PRDM1: variants seen among roughly 807,000 people sequenced by gnomAD.
PRDM1 encodes the protein PR domain zinc finger protein 1.
Under a neutral mutation model 62.8 loss-of-function variants are expected in PRDM1, and 13 were observed. The observed-to-expected ratio is 0.21, with a 90% CI of 0.13 to 0.33. PRDM1 has a LOEUF of 0.33. Among genes scored for constraint, PRDM1 ranks in the 10% least tolerant of loss-of-function variants. The probability of loss-of-function intolerance (pLI) is 1.00; values close to 1 mark genes in which losing one functional copy is unlikely to be tolerated. For synonymous variants in PRDM1, 396 were observed against 417.6 expected (o/e 0.95, Z 0.63); for missense variants, 895 against 1,058.8 (o/e 0.85, Z 2.15).
intron 1 of PRDM1, among the ~76,000 whole-genome samples, chr6:106,001,318 T>C (rs1243386967): frequency 6.6e-6 from 1 of 152,330 alleles, no homozygotes; most frequent in South Asian, 2.1e-4. Context: ...TTCCTAAATC[T>C]TTGGTTTAGC....
chr6:106,036,295 T>G (rs1479938388), intron 1 of PRDM1, among the ~76,000 whole-genome samples: 1 of 152,092 alleles, frequency 6.6e-6, no homozygotes. Context: ...ATTACAGATG[T>G]GCACCACCAT....
upstream of PRDM1, among the ~76,000 whole-genome samples, chr6:106,086,037 T>C (rs1003671370): frequency 3.9e-5 from 6 of 152,148 alleles, no homozygotes; most frequent in Non-Finnish European, 5.9e-5. Context: ...GTTTCCTTAA[T>C]TTAAGGAACG....
intron 1 of PRDM1, among the ~76,000 whole-genome samples, chr6:106,073,156 C>T (rs2114602860): frequency 6.6e-6 from 1 of 150,720 alleles, no homozygotes; most frequent in Middle Eastern, 3.4e-3. Flanking sequence ...ACTCTGTCGC[C>T]CAGGCTGGAG....
At chr6:106,075,713 G>C (rs1562160408) in intron 1 of PRDM1, among the ~76,000 whole-genome samples, 2 of 152,104 alleles carry the variant, frequency 1.3e-5, no homozygotes, top group African/African-American at 2.4e-5. Context: ...GTTGCAGCAA[G>C]CTTCTTTTTC....
intron 1 of PRDM1, among the ~76,000 whole-genome samples, chr6:106,015,126 T>C (rs1252307578): frequency 6.6e-6 from 1 of 152,168 alleles, no homozygotes; most frequent in African/African-American, 2.4e-5. Flanking sequence ...GTTGCGTTTC[T>C]TCCTTTCTTT....
intron 1 of PRDM1, among the ~76,000 whole-genome samples, chr6:106,063,038 G>GTCCTT (rs1773371781): frequency 6.6e-6 from 1 of 152,174 alleles, no homozygotes. Context: ...CGCAGATTTA[G>GTCCTT]TCCTTTCGTT....
chr6:106,022,402 A>G (rs1772705809), intron 1 of PRDM1, among the ~76,000 whole-genome samples: 1 of 149,648 alleles, frequency 6.7e-6, no homozygotes, highest in African/African-American at 2.5e-5. Context: ...GACAACAGGC[A>G]TGCACCACCA....
intron 1 of PRDM1, 86 bp downstream of exon 1, chr6:106,086,681 T>G: frequency 7.7e-7 from 1 of 1,295,210 alleles, no homozygotes; most frequent in Non-Finnish European, 1.1e-6. Flanking sequence ...TATTATTAAT[T>G]TTTTTTGGCT....
At chr6:106,060,771 G>A (rs1773333139) in intron 1 of PRDM1, among the ~76,000 whole-genome samples, 1 of 152,054 alleles carries the variant, frequency 6.6e-6, no homozygotes, top group East Asian at 1.9e-4. Flanking sequence ...TGTGCTTCAT[G>A]GCATGATGGC....
intron 1 of PRDM1, among the ~76,000 whole-genome samples, chr6:106,071,529 TC>T (rs1582450037): frequency 1.3e-5 from 2 of 152,282 alleles, no homozygotes; most frequent in East Asian, 1.9e-4. Context: ...GCTGTACCCA[TC>T]CATACACTTG....
chr6:106,034,364 CT>C (rs1387156455), intron 1 of PRDM1, among the ~76,000 whole-genome samples: 1 of 151,670 alleles, frequency 6.6e-6, no homozygotes, highest in Non-Finnish European at 1.5e-5. Context: ...TAAGATCTTT[CT>C]TATTTTTGTT....
chr6:106,014,388 T>C (rs1772592297), intron 1 of PRDM1, among the ~76,000 whole-genome samples: 1 of 151,740 alleles, frequency 6.6e-6, no homozygotes, highest in South Asian at 2.1e-4. Flanking sequence ...GTGTTTGCCT[T>C]GTTCACTGTT....
intron 1 of PRDM1, among the ~76,000 whole-genome samples, chr6:106,028,232 T>C (rs1005445108): frequency 8.5e-5 from 13 of 152,342 alleles, no homozygotes; most frequent in Admixed American, 7.2e-4. Context: ...GGTGGTCCAG[T>C]GTCTTTCGGT....
At chr6:106,031,419 G>A (rs531821909) in intron 1 of PRDM1, among the ~76,000 whole-genome samples, 4 of 152,146 alleles carry the variant, frequency 2.6e-5, no homozygotes, top group Non-Finnish European at 5.9e-5. Flanking sequence ...TCCAGTCCAC[G>A]GCCTCCTTTT....
chr6:106,105,309 G>C lies in PRDM1; in HGVS notation c.1149G>C (p.Thr383=), dbSNP rs750515225. The C allele has an allele frequency of 3.7e-6, 6 of 1,613,040 alleles. No homozygotes were observed. The East Asian group carries it at 6.7e-5, about 18-fold the overall frequency. Residue 383 remains threonine (T), a synonymous_variant, in exon 5 of 7, where the codon ACG becomes ACC. Coordinates refer to ENST00000369096, the MANE Select transcript of PRDM1 (RefSeq NM_001198.4). ...CTTACTTGAACGCGTCCTACGGCAC[G>C]GAAGGTTTGGGCTCCTACCCTGGCT... ...SYAYLNASYG[T]EGLGSYPGYA...
Position 106,108,595 on chromosome 6 carries a change from T to C in PRDM1, c.*1109T>C, listed in dbSNP as rs942711133. ...TCTACCAGGAAGGATTCGAGGTAGA[T>C]AGGCTCAGGCCACACTTTAAAAACA... On this transcript the variant is annotated 3_prime_UTR_variant, in exon 7 of 7. Coordinates refer to ENST00000369096, the MANE Select transcript of PRDM1 (RefSeq NM_001198.4). 8.8e-6 allele frequency: 2 copies of C among 226,890 alleles called. No individual in the cohort carries two copies. The highest frequency in any genetic ancestry group is 4.6e-5 in the African/African-American group (2 of 43,198). 14.1% of individuals were successfully genotyped at this position (226,890 alleles called of 1,614,324 possible).
At position 106,052,472 on chromosome 6, in the gene PRDM1, A is replaced by G. The variant is rs536577383; in HGVS notation, c.-67+3758A>G. On this transcript the variant is annotated intron_variant, in intron 1 of 6. Coordinates refer to the PRDM1 transcript ENST00000651185. ...ATGTTTACATTTAACTAACAATGTA[A>G]AAAATAACTATCAACTTGCTGTTAA... Among the ~76,000 whole-genome samples the G allele has an allele frequency of 3.9e-5, 6 of 152,270 alleles. No homozygotes were observed. The East Asian group carries it at 1.2e-3, about 29-fold the overall frequency.
chr6:106,015,817 A>T (rs560125278), intron 1 of PRDM1, among the ~76,000 whole-genome samples: 3 of 150,882 alleles, frequency 2.0e-5, no homozygotes, highest in South Asian at 2.1e-4. Context: ...TGTGATTTTT[A>T]AAAAATTGTA....
chr6:106,067,287 C>T (rs9384597), intron 1 of PRDM1, among the ~76,000 whole-genome samples: 10,931 of 152,194 alleles, frequency 0.072, 534 homozygotes, highest in East Asian at 0.16. Flanking sequence ...GGTTGCATTC[C>T]ATTACTTCCC....
Sources: gnomAD v4.1 joint callset for allele counts (sites outside exome capture counted in the v4.1 genomes callset) on GRCh38, gnomAD v4.1.1 for gene constraint, MANE v1.5 for transcripts, NCBI Gene and HGNC (gene_info 2026-07-23, HGNC 2026-07-21) for gene names.